Variants in NFX1 observed in about 807,000 individuals in gnomAD.
NFX1 encodes the protein transcriptional repressor NF-X1.
NFX1 carries 69 observed loss-of-function variants against 137.2 expected under a neutral mutation model. That is an observed-to-expected ratio of 0.50 (90% CI 0.41 to 0.61). The LOEUF is 0.61. Among genes scored for constraint, NFX1 ranks in the 20% least tolerant of loss-of-function variants. NFX1 has a pLI of 0.00. For missense variants in NFX1, 1,167 were observed against 1,391.0 expected (o/e 0.84, Z 2.56); for synonymous variants, 495 against 474.1 (o/e 1.04, Z -0.57).
chr9:33,318,602 G>T, intron 7 of NFX1, 129 bp from the exon 8 acceptor site: 1 of 784,250 alleles, frequency 1.3e-6, no homozygotes, highest in Non-Finnish European at 2.1e-6. Flanking sequence ...TACTCTATTT[G>T]GCCTCCCAGA....
At chr9:33,292,382 G>A (rs537454927) in intron 1 of NFX1, among the ~76,000 whole-genome samples, 71 of 152,226 alleles carry the variant, frequency 4.7e-4, no homozygotes, top group Non-Finnish European at 7.1e-4. Context: ...AGCAGACTCT[G>A]CAATGCCAGC....
chr9:33,363,186 C>T (rs769986190), intron 19 of NFX1, among the ~76,000 whole-genome samples: 1 of 150,742 alleles, frequency 6.6e-6, no homozygotes, highest in South Asian at 2.1e-4. Flanking sequence ...ATATATGTAC[C>T]GAGACATCAA....
At chr9:33,311,672 C>T (rs191951590) in intron 6 of NFX1, among the ~76,000 whole-genome samples, 3 of 152,198 alleles carry the variant, frequency 2.0e-5, no homozygotes, top group African/African-American at 7.2e-5. Flanking sequence ...CCTGCCTCAG[C>T]CTCCCAAGTA....
intron 19 of NFX1, among the ~76,000 whole-genome samples, chr9:33,362,068 C>T (rs185799638): frequency 6.4e-4 from 96 of 149,070 alleles, no homozygotes; most frequent in African/African-American, 2.2e-3. Context: ...TTACAGTGAG[C>T]TGAGATCATG....
At chr9:33,369,151 C>T (rs542286892) in intron 23 of NFX1, among the ~76,000 whole-genome samples, 10 of 152,036 alleles carry the variant, frequency 6.6e-5, no homozygotes, top group Non-Finnish European at 1.0e-4. Context: ...CTGCAAGCTC[C>T]GCCTCCCGGG....
At chr9:33,354,738 T>G (rs1823755565) in intron 18 of NFX1, 113 bp from the exon 19 acceptor site, 2 of 990,814 alleles carry the variant, frequency 2.0e-6, no homozygotes, top group Non-Finnish European at 2.9e-6. Flanking sequence ...GAGGGATTGT[T>G]TTTTGGCAAG....
intron 19 of NFX1, among the ~76,000 whole-genome samples, chr9:33,361,668 GA>G (rs1469271301): frequency 4.6e-5 from 7 of 152,030 alleles, no homozygotes; most frequent in Non-Finnish European, 1.0e-4. Flanking sequence ...AGCTACTCGG[GA>G]GGCTGAGGCA....
chr9:33,352,432 C>T (rs748771170), intron 16 of NFX1: 4 of 660,002 alleles, frequency 6.1e-6, no homozygotes, highest in Non-Finnish European at 1.1e-5. Context: ...GAGGTGGTTT[C>T]CAAAAGGGGG....
Position 33,332,268 on chromosome 9 carries a change from T to C in NFX1, c.2005-204T>C, listed in dbSNP as rs187234823. 3.8e-4 allele frequency among the ~76,000 whole-genome samples: 58 copies of C among 152,326 alleles called. No individual in the cohort carries two copies. In the East Asian group the frequency reaches 8.9e-3, roughly 23 times the overall value. On this transcript the variant is annotated intron_variant, in intron 10 of 23. Transcript: ENST00000379540. ...GAATTGTATTTTCATGAAAAGTCTG[T>C]AAGCCTGGAGTCCTCTTGTGAGTAA...
rs769787881 is a variant in NFX1 at position 33,294,823 on chromosome 9, G to A, written c.429G>A (p.Gly143=). 11 of 1,614,108 alleles carry A rather than the reference G, an allele frequency of 6.8e-6. No homozygotes were observed. In the Admixed American group the frequency reaches 1.7e-4, roughly 24 times the overall value. ...AGAGCTCGACCAGATCAGAGAGTGGGACAGACCTCAGAGAGCATAGTCCTT... is the reference window on the plus strand; with the variant it reads ...AGAGCTCGACCAGATCAGAGAGTGGAACAGACCTCAGAGAGCATAGTCCTT... ...GLESSTRSES[G]TDLREHSPSE... Residue 143 remains glycine (G), a synonymous_variant, in exon 2 of 24, where the codon GGG becomes GGA. Transcript: ENST00000379540.
At chr9:33,344,466 T>C (rs1823339443) in intron 14 of NFX1, among the ~76,000 whole-genome samples, 1 of 152,232 alleles carries the variant, frequency 6.6e-6, no homozygotes, top group African/African-American at 2.4e-5. Context: ...TTCTTTGTGG[T>C]CTCCACTTTG....
intron 17 of NFX1, 174 bp downstream of exon 17, chr9:33,352,893 A>G (rs1212846601): frequency 3.5e-6 from 2 of 571,120 alleles, no homozygotes; most frequent in South Asian, 4.5e-5. Flanking sequence ...TTATCATAGT[A>G]TCCTTGCAAC....
At chr9:33,313,535 A>G in intron 6 of NFX1, 119 bp from the exon 7 acceptor site, 1 of 883,476 alleles carries the variant, frequency 1.1e-6, no homozygotes, top group African/African-American at 1.7e-5. Flanking sequence ...AGTGAGGGAA[A>G]TGAAGTTAGA....
At chr9:33,365,047 G>A in intron 21 of NFX1, 1 of 1,160,010 alleles carries the variant, frequency 8.6e-7, no homozygotes. Flanking sequence ...GCCAAGGCAG[G>A]CAGATCACTT....
intron 11 of NFX1, among the ~76,000 whole-genome samples, chr9:33,334,442 G>A (rs889933302): frequency 2.0e-5 from 3 of 152,080 alleles, no homozygotes; most frequent in East Asian, 1.9e-4. Context: ...GTGACAGAGC[G>A]AGACCCTATC....
chr9:33,325,774 G>A (rs181296359), intron 9 of NFX1, among the ~76,000 whole-genome samples: 1 of 152,252 alleles, frequency 6.6e-6, no homozygotes, highest in East Asian at 1.9e-4. Context: ...AGGCAGACTT[G>A]CCTTACAGTA....
rs902653990 is a variant in NFX1 at position 33,313,660 on chromosome 9, A to G, written c.1455A>G (p.Thr485=). 1.2e-6 allele frequency: 2 copies of G among 1,614,094 alleles called. No homozygotes were observed. Among genetic ancestry groups the G allele is most frequent in the African/African-American group, 1.3e-5 (1 of 75,050 alleles). The change falls in exon 7 of 24, where the codon ACA becomes ACG. Residue 485 remains threonine (T), a synonymous_variant. Transcript: ENST00000379540. ...ACATCTATTGTCTTTACAGGCACAC[A>G]GTTCGCTGTGGTCAGGCTGTCTCAG... ...KTCECGRTRH[T]VRCGQAVSVH... is the part of the protein sequence containing the mutation.
At chr9:33,367,082 C>G (rs1311840003) in intron 22 of NFX1, among the ~76,000 whole-genome samples, 1 of 152,254 alleles carries the variant, frequency 6.6e-6, no homozygotes, top group Non-Finnish European at 1.5e-5. Flanking sequence ...GCTCTTTTCT[C>G]CTTCTGTCTC....
intron 19 of NFX1, among the ~76,000 whole-genome samples, chr9:33,360,420 A>G (rs1376738757): frequency 6.6e-6 from 1 of 152,220 alleles, no homozygotes; most frequent in African/African-American, 2.4e-5. Context: ...CTCTTGGCAC[A>G]AGAGCTTGGC....
Sources: gnomAD v4.1 joint callset for allele counts (sites outside exome capture counted in the v4.1 genomes callset) on GRCh38, gnomAD v4.1.1 for gene constraint, MANE v1.5 for transcripts, NCBI Gene and HGNC (gene_info 2026-07-23, HGNC 2026-07-21) for gene names.